The following TCP11L2 variants were observed in gnomAD, a reference collection of about 807,000 sequenced individuals.
TCP11L2 encodes the protein T-complex protein 11-like protein 2.
TCP11L2 carries 39 observed loss-of-function variants against 50.7 expected under a neutral mutation model. The observed-to-expected ratio is 0.77, with a 90% CI of 0.60 to 1.01. TCP11L2 has a LOEUF of 1.01. TCP11L2 is among the 50% of genes least tolerant of loss of function. The probability of loss-of-function intolerance (pLI) is 0.00; values close to 1 mark genes in which losing one functional copy is unlikely to be tolerated. For synonymous variants in TCP11L2, 192 were observed against 219.3 expected, an observed-to-expected ratio of 0.88 and a Z score of 1.10; for missense variants, 612 against 614.7, an observed-to-expected ratio of 1.00 and a Z score of 0.05.
At chr12:106,302,464 C>G (rs1293710905), upstream of TCP11L2, among the ~76,000 whole-genome samples, 2 of 150,004 alleles carry the variant, frequency 1.3e-5, no homozygotes, top group African/African-American at 4.9e-5. Context: ...CCGCCCCCAA[C>G]GCCGGGCGCT....
chr12:106,312,375 C>A, intron 2 of TCP11L2: 1 of 1,237,178 alleles, frequency 8.1e-7, no homozygotes, highest in Non-Finnish European at 1.0e-6. Flanking sequence ...AGTATATAGA[C>A]ATTTTTAAGG....
intron 8 of TCP11L2, among the ~76,000 whole-genome samples, chr12:106,337,531 T>G (rs1019679980): frequency 6.6e-6 from 1 of 152,184 alleles, no homozygotes; most frequent in Non-Finnish European, 1.5e-5. Context: ...TTCCAGAAAC[T>G]TTTATTTATT....
chr12:106,309,031 A>G (rs1022793729), intron 1 of TCP11L2, among the ~76,000 whole-genome samples: 1 of 152,218 alleles, frequency 6.6e-6, no homozygotes, highest in Non-Finnish European at 1.5e-5. Context: ...AGACATACCA[A>G]GAGGAGTGCT....
Position 106,318,432 on chromosome 12 carries a change from C to T in TCP11L2, c.382C>T (p.His128Tyr), listed in dbSNP as rs1448003457. ...ELNADPPEFE[H>Y]AIKLFEEIRE... ...AAATGCTGACCCTCCTGAGTTTGAA[C>T]ATGCCATCAAACTGTTTGAAGAAAT... Residue 128 changes from histidine to tyrosine, a missense_variant, in exon 4 of 10, where the codon CAT becomes TAT. Coordinates refer to ENST00000299045, the MANE Select transcript of TCP11L2 (RefSeq NM_152772.3). 1.2e-6 allele frequency: 2 copies of T among 1,613,934 alleles called. No individual in the cohort carries two copies. Among genetic ancestry groups the T allele is most frequent in the African/African-American group, 2.7e-5 (2 of 74,946 alleles).
At chr12:106,301,974 G>A (rs1008376255), upstream of TCP11L2, 1 of 152,278 alleles carries the variant, frequency 6.6e-6, no homozygotes, top group Non-Finnish European at 1.5e-5. Context: ...TGACTCCAAG[G>A]AGCTAATCGT....
chr12:106,324,835 G>A (rs964130083), intron 6 of TCP11L2: 1 of 152,228 alleles, frequency 6.6e-6, no homozygotes, highest in Non-Finnish European at 1.5e-5. Context: ...TGAAACTGGT[G>A]AGACCAGGAG....
intron 1 of TCP11L2, among the ~76,000 whole-genome samples, chr12:106,310,298 A>G (rs1290972630): frequency 6.6e-6 from 1 of 152,160 alleles, no homozygotes; most frequent in African/African-American, 2.4e-5. Context: ...GTGCACTCAT[A>G]GGGTTGTGAT....
At chr12:106,321,423 G>A in intron 4 of TCP11L2, 63 bp from the exon 5 acceptor site, 1 of 1,401,524 alleles carries the variant, frequency 7.1e-7, no homozygotes, top group South Asian at 1.3e-5. Context: ...TAGACACTGA[G>A]GTGAAAAGTG....
At chr12:106,330,950 A>G (rs1316368947) in intron 6 of TCP11L2, among the ~76,000 whole-genome samples, 1 of 152,246 alleles carries the variant, frequency 6.6e-6, no homozygotes, top group Non-Finnish European at 1.5e-5. Flanking sequence ...CTTAAAAATG[A>G]AATGAATTCA....
At chr12:106,302,489 G>A (rs2034454225), upstream of TCP11L2, among the ~76,000 whole-genome samples, 1 of 150,052 alleles carries the variant, frequency 6.7e-6, no homozygotes, top group Non-Finnish European at 1.5e-5. Flanking sequence ...TCGGCTCGGC[G>A]GCCTCAGTTC....
intron 6 of TCP11L2, among the ~76,000 whole-genome samples, chr12:106,329,072 CA>C (rs1565854024): frequency 1.3e-5 from 2 of 150,076 alleles, no homozygotes; most frequent in Non-Finnish European, 3.0e-5. Flanking sequence ...GAGATGTTGC[CA>C]GGCAAAAAAA....
intron 3 of TCP11L2, among the ~76,000 whole-genome samples, chr12:106,316,590 T>TA (rs1485461904): frequency 1.3e-5 from 2 of 152,166 alleles, no homozygotes; most frequent in African/African-American, 4.8e-5. Context: ...GTCACTGACT[T>TA]AAAGAGGCTT....
At position 106,346,355 on chromosome 12, in the gene TCP11L2, T is replaced by C. The variant is rs142808315; in HGVS notation, c.1385T>C (p.Met462Thr). The C allele has an allele frequency of 1.2e-6, 2 of 1,613,530 alleles. No homozygotes were observed. Among genetic ancestry groups the C allele is most frequent in the African/African-American group, 1.3e-5 (1 of 74,934 alleles). Residue 462 changes from methionine to threonine, a missense_variant, in exon 10 of 10, where the codon ATG becomes ACG. Met to Thr is a moderately conservative substitution (Grantham distance 81, BLOSUM62 -1). Coordinates refer to ENST00000299045, the MANE Select transcript of TCP11L2 (RefSeq NM_152772.3). Reference protein sequence around the residue: ...LPSPQKCMPPMPGGLAVIQQE... With the variant: ...LPSPQKCMPPTPGGLAVIQQE... ...AGCCCTCAAAAATGCATGCCTCCTA[T>C]GCCAGGAGGCCTAGCTGTCATTCAG...
At chr12:106,339,011 G>A (rs968299955) in intron 8 of TCP11L2, among the ~76,000 whole-genome samples, 2 of 152,194 alleles carry the variant, frequency 1.3e-5, no homozygotes, top group Middle Eastern at 3.2e-3. Flanking sequence ...CGAGCATGGT[G>A]GCGCATGCCT....
At chr12:106,329,348 G>T in intron 6 of TCP11L2, 3 of 1,536,078 alleles carry the variant, frequency 2.0e-6, no homozygotes, top group Non-Finnish European at 2.6e-6. Context: ...GAGGTTGCAG[G>T]TGCCTCATGA....
rs954648718 is a variant in TCP11L2, at chr12:106,330,283, GAACT to G, written c.773-5354_773-5351del. The G allele has an allele frequency of 2.4e-5, 24 of 985,078 alleles. No homozygotes were observed. In the African/African-American group the frequency reaches 4.2e-4, roughly 17 times the overall value. The allele number at this position is 985,078 out of a possible 1,614,324, so 61.0% of individuals were successfully genotyped here. A position where few individuals can be genotyped will look rare whatever the true frequency, so the allele number is the denominator to read the frequency against. ...AGAGACATTTTATTCAAAGTTAGAA[GAACT>G]ACTTAGAGCAAAAGTAAATAAAAAC... On this transcript the variant is annotated intron_variant, in intron 6 of 9. Transcript: ENST00000299045.
intron 6 of TCP11L2, 132 bp from the exon 7 acceptor site, chr12:106,335,507 G>A: frequency 3.5e-6 from 3 of 850,488 alleles, no homozygotes; most frequent in Non-Finnish European, 3.6e-6. Flanking sequence ...CATCTGGACT[G>A]TAAACTCCTT....
At chr12:106,337,684 A>G (rs2035963320) in intron 8 of TCP11L2, among the ~76,000 whole-genome samples, 1 of 152,242 alleles carries the variant, frequency 6.6e-6, no homozygotes, top group South Asian at 2.1e-4. Flanking sequence ...ACACTTGAAT[A>G]TGTTCTCAAA....
chr12:106,323,456 G>T, intron 5 of TCP11L2, 54 bp from the exon 6 acceptor site: 2 of 1,451,552 alleles, frequency 1.4e-6, no homozygotes, highest in South Asian at 1.3e-5. Context: ...CATTGTTAGT[G>T]AATTTCAGCT....
Sources: allele counts gnomAD v4.1 joint callset (sites outside exome capture counted in the v4.1 genomes callset), GRCh38; gene constraint gnomAD v4.1.1; transcripts MANE v1.5; gene names NCBI Gene and HGNC (gene_info 2026-07-23, HGNC 2026-07-21).